The following FHIT variants were observed in gnomAD, a reference collection of about 807,000 sequenced individuals.
FHIT encodes the protein bis(5'-adenosyl)-triphosphatase.
FHIT carries 19 observed loss-of-function variants against 17.9 expected under a neutral mutation model. That is an observed-to-expected ratio of 1.06 (90% confidence interval 0.74 to 1.56). FHIT has a LOEUF of 1.56. Among genes scored for constraint, FHIT ranks in the 40% most tolerant of loss-of-function variants. The probability of loss-of-function intolerance (pLI) is 0.00; values close to 1 mark genes in which losing one functional copy is unlikely to be tolerated. For synonymous variants in FHIT, 81 were observed against 69.7 expected (o/e 1.16, Z -0.81); for missense variants, 248 against 189.2 (o/e 1.31, Z -1.82).
chr3:60,806,826 G>T (rs981358214), intron 4 of FHIT, among the ~76,000 whole-genome samples: 2 of 152,156 alleles, frequency 1.3e-5, no homozygotes, highest in African/African-American at 4.8e-5. Flanking sequence ...GTGCATAGAA[G>T]GATTAAGCAT....
At chr3:59,883,707 CTG>C (rs1703502278) in intron 8 of FHIT, among the ~76,000 whole-genome samples, 1 of 152,192 alleles carries the variant, frequency 6.6e-6, no homozygotes, top group Non-Finnish European at 1.5e-5. Flanking sequence ...CTTTCCAAGT[CTG>C]TGCAGTGACA....
intron 8 of FHIT, among the ~76,000 whole-genome samples, chr3:59,791,604 T>G (rs1421349262): frequency 6.6e-6 from 1 of 152,222 alleles, no homozygotes; most frequent in Non-Finnish European, 1.5e-5. Flanking sequence ...AAAGGGTCTC[T>G]AATTTCTCTA....
intron 1 of FHIT, among the ~76,000 whole-genome samples, chr3:61,201,918 T>A (rs547872294): frequency 7.9e-5 from 12 of 152,202 alleles, no homozygotes; most frequent in African/African-American, 2.7e-4. Context: ...CAAAATACAA[T>A]AATGACTTAA....
chr3:60,532,829 C>G (rs1450230763), intron 5 of FHIT, among the ~76,000 whole-genome samples: 3 of 152,084 alleles, frequency 2.0e-5, no homozygotes, highest in African/African-American at 7.2e-5. Context: ...ATGAAAAAGT[C>G]AGTGAGCAAA....
chr3:60,249,361 C>T lies in FHIT; in HGVS notation c.104-235209G>A, dbSNP rs555427762. Among the ~76,000 whole-genome samples, 33 of 152,172 alleles carry T rather than the reference C, an allele frequency of 2.2e-4. No homozygotes were observed. The South Asian group carries it at 6.4e-3, about 30-fold the overall frequency. ...CTATTTACACTTTTCTCGGAAACAG[C>T]GTCTTCTCCTCCTCCACAAAACCCA... On this transcript the variant is annotated intron_variant, in intron 5 of 9. Transcript: ENST00000492590.
chr3:60,690,629 T>G, intron 4 of FHIT: 1 of 524,720 alleles, frequency 1.9e-6, no homozygotes, highest in Non-Finnish European at 3.9e-6. Context: ...TCTGCTGTCT[T>G]TGGAAGCTTG....
At chr3:60,008,782 A>G (rs1387391692) in intron 7 of FHIT, among the ~76,000 whole-genome samples, 3 of 152,246 alleles carry the variant, frequency 2.0e-5, no homozygotes, top group African/African-American at 2.4e-5. Flanking sequence ...TGTAGTATTC[A>G]CAACTGGACA....
At chr3:60,451,983 G>T (rs369550767) in intron 5 of FHIT, among the ~76,000 whole-genome samples, 1 of 152,064 alleles carries the variant, frequency 6.6e-6, no homozygotes, top group Non-Finnish European at 1.5e-5. Flanking sequence ...AATTCAGTGG[G>T]CCTAACTCCA....
intron 5 of FHIT, chr3:60,080,660 T>C (rs1703239714): frequency 6.6e-6 from 1 of 152,026 alleles, no homozygotes; most frequent in Admixed American, 6.6e-5. Flanking sequence ...TCTGAGCCTG[T>C]TTGAATTCAT....
At chr3:59,831,090 A>G (rs1207024532) in intron 8 of FHIT, among the ~76,000 whole-genome samples, 3 of 152,106 alleles carry the variant, frequency 2.0e-5, no homozygotes, top group Non-Finnish European at 4.4e-5. Context: ...GGAGGCTATA[A>G]CCCCACCTAC....
At position 60,165,646 on chromosome 3, in the gene FHIT, T is replaced by C. The variant is rs1326704625; in HGVS notation, c.104-151494A>G. Among the ~76,000 whole-genome samples the C allele has an allele frequency of 3.9e-5, 6 of 152,310 alleles. No individual in the cohort carries two copies. The South Asian group carries it at 1.0e-3, about 26-fold the overall frequency. ...TCAAATGAGATTATAAAGATACCTA[T>C]CTTTGCTCAAATAAGCAAAGGGAAA... On this transcript the variant is annotated intron_variant, in intron 5 of 9. Transcript: ENST00000492590.
At chr3:61,215,998 T>C (rs1043776123) in intron 1 of FHIT, among the ~76,000 whole-genome samples, 1 of 152,094 alleles carries the variant, frequency 6.6e-6, no homozygotes, top group Non-Finnish European at 1.5e-5. Context: ...TAATTCAAGA[T>C]GCATTAAAGA....
intron 3 of FHIT, among the ~76,000 whole-genome samples, chr3:60,944,107 T>G (rs1708537774): frequency 6.6e-6 from 1 of 152,186 alleles, no homozygotes; most frequent in African/African-American, 2.4e-5. Flanking sequence ...AATCCAATGT[T>G]TCCTCCAGTT....
chr3:61,235,355 G>C (rs1423742246), intron 1 of FHIT, among the ~76,000 whole-genome samples: 3 of 152,046 alleles, frequency 2.0e-5, no homozygotes, highest in African/African-American at 7.2e-5. Flanking sequence ...ACTCCATAGA[G>C]TTGCTAAGAG....
intron 2 of FHIT, among the ~76,000 whole-genome samples, chr3:61,152,124 A>AT (rs1264111908): frequency 6.6e-6 from 1 of 152,178 alleles, no homozygotes; most frequent in Admixed American, 6.5e-5. Flanking sequence ...ATCTGATAGG[A>AT]TTAAACAGTT....
chr3:59,995,227 C>G (rs1051769030), intron 7 of FHIT, among the ~76,000 whole-genome samples: 1 of 151,974 alleles, frequency 6.6e-6, no homozygotes, highest in African/African-American at 2.4e-5. Context: ...AGAACAAAAC[C>G]TTATCAAATT....
chr3:60,860,460 A>ATCATGTATATATGATACATATGTAT (rs572908449), intron 3 of FHIT, among the ~76,000 whole-genome samples: 2 of 106,964 alleles, frequency 1.9e-5, no homozygotes, highest in African/African-American at 4.5e-5. Context: ...ATACATATGT[A>ATCATGTATATATGATACATATGTAT]CATATATATG....
intron 5 of FHIT, among the ~76,000 whole-genome samples, chr3:60,088,627 G>A (rs922084304): frequency 6.6e-6 from 1 of 152,096 alleles, no homozygotes; most frequent in Non-Finnish European, 1.5e-5. Context: ...AATAAACACT[G>A]TACTTGGATC....
chr3:60,090,666 T>C (rs192890271), intron 5 of FHIT, among the ~76,000 whole-genome samples: 71 of 152,288 alleles, frequency 4.7e-4, no homozygotes, highest in African/African-American at 1.6e-3. Flanking sequence ...TAGAGTGACA[T>C]GCTGGGGTCT....
Sources: gnomAD v4.1 joint callset for allele counts (sites outside exome capture counted in the v4.1 genomes callset) on GRCh38, gnomAD v4.1.1 for gene constraint, MANE v1.5 for transcripts, NCBI Gene and HGNC (gene_info 2026-07-23, HGNC 2026-07-21) for gene names.